TSC2: variants seen among roughly 807,000 people sequenced by gnomAD.
TSC2 encodes TSC complex subunit 2, also known as tuberin.
TSC2 carries 29 observed loss-of-function variants against 202.2 expected under a neutral mutation model. That is an observed-to-expected ratio of 0.14 (90% CI 0.11 to 0.20). The LOEUF is 0.20. Ranked by LOEUF, TSC2 falls within the 10% of genes least tolerant of loss-of-function variation. The pLI is 1.00. For synonymous variants in TSC2, 1,349 were observed against 1,044.0 expected, an observed-to-expected ratio of 1.29 and a Z score of -5.63; for missense variants, 2,429 against 2,420.0, an observed-to-expected ratio of 1.00 and a Z score of -0.08.
At position 2,079,815 on chromosome 16, in the gene TSC2, C is replaced by G; in HGVS notation, c.3397+146C>G. 2.6e-6 allele frequency: 2 copies of G among 780,326 alleles called. No homozygotes were observed. Among genetic ancestry groups the G allele is most frequent in the Non-Finnish European group, 4.0e-6 (2 of 499,924 alleles). The allele number at this position is 780,326 out of a possible 1,614,324, so 48.3% of individuals were successfully genotyped here. A position where few individuals can be genotyped will look rare whatever the true frequency, so the allele number is the denominator to read the frequency against. ...ACGTCCTGACTCTGGGGTGAGCCTT[C>G]CACAGCTCACCCCAGAGCCGTGGAG... On this transcript the variant is annotated intron_variant, in intron 29 of 41. Transcript: ENST00000219476. The surrounding 1 kb of genome is among the most constrained non-coding windows in gnomAD (Gnocchi z 4.6).
intron 31 of TSC2, 66 bp downstream of exon 31, chr16:2,081,864 A>C (rs910481657): frequency 6.3e-7 from 1 of 1,576,164 alleles, no homozygotes; most frequent in Non-Finnish European, 8.6e-7. Flanking sequence ...CGGTGACGGC[A>C]ATGTGGCTCC....
At chr16:2,055,373 C>T (rs777052621) in intron 5 of TSC2, 29 bp from the exon 6 acceptor site, 2 of 1,589,446 alleles carry the variant, frequency 1.3e-6, no homozygotes, top group South Asian at 1.1e-5. Context: ...ATTCGGCGTC[C>T]TCGCAAACTG....
At chr16:2,055,205 C>G in intron 5 of TSC2, 197 bp from the exon 6 acceptor site, 1 of 655,094 alleles carries the variant, frequency 1.5e-6, no homozygotes, top group Non-Finnish European at 2.8e-6. Context: ...ATCCTAGTGT[C>G]CGTGCGTAGC....
chr16:2,082,497 C>G lies in TSC2; in HGVS notation c.3876C>G (p.Ser1292=), dbSNP rs1173548095. The part of the protein sequence containing the change: ...SCQGQLHRSV[S]WADSAVVMEE... ...AAGGACAGCTGCACAGGAGCGTTTC[C>G]TGGGCAGGTATCGCCTCTCAGAGGG... is the stretch of plus-strand genomic sequence containing the variant. The change falls in exon 32 of 42, where the codon TCC becomes TCG. Residue 1292 remains serine, a synonymous_variant. Transcript: ENST00000219476. 1 of 1,611,724 alleles carries G rather than the reference C, an allele frequency of 6.2e-7. No individual in the cohort carries two copies. The highest frequency in any genetic ancestry group is 8.5e-7 in the Non-Finnish European group (1 of 1,180,000).
At chr16:2,072,651 C>A in intron 20 of TSC2, 198 bp from the exon 21 acceptor site, 1 of 904,198 alleles carries the variant, frequency 1.1e-6, no homozygotes, top group Non-Finnish European at 1.7e-6. Context: ...TGCCGTTCAC[C>A]TCACATTCCT....
chr16:2,068,104 A>G (rs949230775), intron 16 of TSC2, among the ~76,000 whole-genome samples: 3 of 152,066 alleles, frequency 2.0e-5, no homozygotes, highest in Non-Finnish European at 2.9e-5. Flanking sequence ...CAGCGGCACG[A>G]TCTCACCTCA....
chr16:2,056,347 C>T lies in TSC2; in HGVS notation c.648+103C>T, dbSNP rs1422527954. ...TGTGCCACCTGCTGGCTGTGTAGCC[C>T]TGGGCAAGCTGCTCGGTCTCTCTGA... On this transcript the variant is annotated intron_variant, in intron 7 of 41. Transcript: ENST00000219476. The T allele has an allele frequency of 8.7e-6, 13 of 1,493,504 alleles. No homozygotes were observed. The Admixed American group carries it at 2.2e-4, about 25-fold the overall frequency. 92.5% of individuals were successfully genotyped at this position (1,493,504 alleles called of 1,614,324 possible). A position where few individuals can be genotyped will look rare whatever the true frequency, so the allele number is the denominator to read the frequency against.
chr16:2,085,332 C>T lies in TSC2; in HGVS notation c.4662+10C>T, dbSNP rs371195832. On this transcript the variant is annotated intron_variant, in intron 36 of 41. Coordinates refer to ENST00000219476, the MANE Select transcript of TSC2 (RefSeq NM_000548.5). Reference sequence around the variant, plus strand: ...TGTTGGAGAAGGCCAGGTGAGGCTGCGGGGCCGGCCTAGGTGCCTGGACAG... The same window carrying T: ...TGTTGGAGAAGGCCAGGTGAGGCTGTGGGGCCGGCCTAGGTGCCTGGACAG... 71 of 1,612,296 alleles carry T rather than the reference C, an allele frequency of 4.4e-5. No homozygotes were observed. The highest frequency in any genetic ancestry group is 1.3e-4 in the East Asian group (6 of 44,890).
chr16:2,067,622 T>C (rs2087578175), intron 16 of TSC2, among the ~76,000 whole-genome samples: 1 of 151,866 alleles, frequency 6.6e-6, no homozygotes, highest in South Asian at 2.1e-4. Flanking sequence ...AATACAAAAT[T>C]AGCCGGGCGT....
Position 2,055,395 on chromosome 16 carries a change from C to A in TSC2, c.482-7C>A, listed in dbSNP as rs2085648892. ...GTCCTCGCAAACTGCCGCCGCTTCT[C>A]CCCCAGCTGACTTTGTCCTGCAGTG... is the stretch of plus-strand genomic sequence containing the variant. On this transcript the variant is annotated splice_polypyrimidine_tract_variant and splice_region_variant and intron_variant, in intron 5 of 41. Transcript: ENST00000219476. 2.5e-6 allele frequency: 4 copies of A among 1,613,184 alleles called. No individual in the cohort carries two copies. Among genetic ancestry groups the A allele is most frequent in the Non-Finnish European group, 3.4e-6 (4 of 1,179,218 alleles).
In TSC2 at chr16:2,050,498, C is replaced by A. The variant is rs886038352; in HGVS notation, c.225+12C>A. On this transcript the variant is annotated intron_variant, in intron 3 of 41. Coordinates refer to ENST00000219476, the MANE Select transcript of TSC2 (RefSeq NM_000548.5). The stretch of plus-strand genomic sequence containing the variant: ...AGAAATTTGAAGAGGTAGGTTTATC[C>A]AGTTGAGCTACTAGAGAGAGGCACG... The A allele has an allele frequency of 1.2e-6, 2 of 1,612,362 alleles. No homozygotes were observed. The highest frequency in any genetic ancestry group is 1.7e-5 in the Admixed American group (1 of 59,954).
In TSC2 at chr16:2,076,101, C is replaced by A; in HGVS notation, c.2673C>A (p.His891Gln). 1 of 1,613,966 alleles carries A rather than the reference C, an allele frequency of 6.2e-7. No homozygotes were observed. Among genetic ancestry groups the A allele is most frequent in the Non-Finnish European group, 8.5e-7 (1 of 1,180,040 alleles). ...AGTACATCGTGTGTCTGGCCCATCA[C>A]GTCATAGCCATGTGGTTCATCAGGT... is the stretch of plus-strand genomic sequence containing the variant. ...FNQYIVCLAH[H>Q]VIAMWFIRCR... The change falls in exon 24 of 42, where the codon CAC (histidine) becomes CAA (glutamine). Residue 891 changes from histidine to glutamine, a missense_variant. Physicochemically the swap from His to Gln is conservative, Grantham distance 24 (BLOSUM62 0). Coordinates refer to ENST00000219476, the MANE Select transcript of TSC2 (RefSeq NM_000548.5).
rs2090761236 is a variant in TSC2 at position 2,086,174 on chromosome 16, C to T, written c.4663-19C>T. 6.2e-7 allele frequency: 1 copy of T among 1,611,424 alleles called. No individual in the cohort carries two copies. Among genetic ancestry groups the T allele is most frequent in the Non-Finnish European group, 8.5e-7 (1 of 1,179,680 alleles). On this transcript the variant is annotated intron_variant, in intron 36 of 41. Transcript: ENST00000219476. The stretch of plus-strand genomic sequence containing the variant: ...CGGCCCGGGAGTGATGCCACCCTGC[C>T]TCTCCCCTCTCCCCACAGAGCAACA...
chr16:2,048,059 G>A lies in TSC2; in HGVS notation c.-36G>A, dbSNP rs903216714. 2.1e-6 allele frequency: 3 copies of A among 1,424,826 alleles called. No homozygotes were observed. The highest frequency in any genetic ancestry group is 1.5e-5 in the South Asian group (1 of 66,016). The allele number at this position is 1,424,826 out of a possible 1,614,324, so 88.3% of individuals were successfully genotyped here. On this transcript the variant is annotated 5_prime_UTR_variant, in exon 1 of 42. Coordinates refer to ENST00000219476, the MANE Select transcript of TSC2 (RefSeq NM_000548.5). ...GGGCGGCCCGGAGCGCGGTGGCGCG[G>A]CGCGGGGTAAGTGGCGGTCCCCACG...
intron 6 of TSC2, 101 bp from the exon 7 acceptor site, chr16:2,056,095 G>A (rs1436378985): frequency 6.7e-7 from 1 of 1,495,678 alleles, no homozygotes; most frequent in Non-Finnish European, 9.2e-7. Flanking sequence ...GGGAGGATGA[G>A]CCATGCGTGT....
intron 16 of TSC2, chr16:2,068,795 C>G (rs2087771095): frequency 6.9e-6 from 1 of 144,734 alleles, no homozygotes; most frequent in East Asian, 2.1e-4. Context: ...ATCACTTGAA[C>G]CTGGGAGGTG....
chr16:2,050,753 G>A lies in TSC2; in HGVS notation c.225+267G>A, dbSNP rs540676939. ...ATTACAGGCACGCGCCACCACACCC[G>A]GCTTTTTGTATTTTTAGTAGAGACG... On this transcript the variant is annotated intron_variant, in intron 3 of 41. Coordinates refer to ENST00000219476, the MANE Select transcript of TSC2 (RefSeq NM_000548.5). 1.6e-4 allele frequency among the ~76,000 whole-genome samples: 24 copies of A among 151,730 alleles called. No individual in the cohort carries two copies. The South Asian group carries it at 4.0e-3, about 25-fold the overall frequency.
intron 9 of TSC2, 81 bp downstream of exon 9, chr16:2,057,259 C>T (rs2085982997): frequency 2.7e-6 from 4 of 1,497,612 alleles, no homozygotes; most frequent in Non-Finnish European, 2.7e-6. Context: ...GCCAAGCACA[C>T]ACTGGCTTAG....
rs539450042 is a variant in TSC2, at chr16:2,071,496, C to A, written c.1840-14C>A. Reference sequence around the variant, plus strand: ...CGAGCTTGGCTCTGGCTTTCACCATCCTCTTCCTGACAGGCCTTTGACTTC... The same window carrying A: ...CGAGCTTGGCTCTGGCTTTCACCATACTCTTCCTGACAGGCCTTTGACTTC... On this transcript the variant is annotated splice_polypyrimidine_tract_variant and intron_variant, in intron 17 of 41. Coordinates refer to ENST00000219476, the MANE Select transcript of TSC2 (RefSeq NM_000548.5). The A allele has an allele frequency of 1.9e-6, 3 of 1,613,436 alleles. No individual in the cohort carries two copies. The highest frequency in any genetic ancestry group is 3.3e-4 in the Middle Eastern group (2 of 6,062).
Sources: gnomAD v4.1 joint callset for allele counts (sites outside exome capture counted in the v4.1 genomes callset) on GRCh38, gnomAD v4.1.1 for gene constraint, Gnocchi (gnomAD v3.1) non-coding constraint, MANE v1.5 for transcripts, NCBI Gene and HGNC (gene_info 2026-07-23, HGNC 2026-07-21) for gene names.